Variants in CDK19 observed in about 807,000 individuals in gnomAD.
CDK19 encodes the protein cyclin-dependent kinase 19.
In CDK19, 20 loss-of-function variants were observed where a neutral mutation model predicts 68.3. That is an observed-to-expected ratio of 0.29 (90% CI 0.21 to 0.43). The LOEUF is 0.43. Ranked by LOEUF, CDK19 falls within the 20% of genes least tolerant of loss-of-function variation. The probability of loss-of-function intolerance (pLI) is 1.00; values close to 1 mark genes in which losing one functional copy is unlikely to be tolerated. For synonymous variants in CDK19, 221 were observed against 222.8 expected (o/e 0.99, Z 0.07); for missense variants, 339 against 623.5 (o/e 0.54, Z 4.86).
chr6:110,626,627 TG>T (rs779802038), intron 8 of CDK19, 148 bp downstream of exon 8: 13 of 518,224 alleles, frequency 2.5e-5, no homozygotes, highest in Non-Finnish European at 4.0e-5. Context: ...GCAACCTTCA[TG>T]GGATTACAAA....
intron 4 of CDK19, among the ~76,000 whole-genome samples, chr6:110,663,261 G>C (rs1781724684): frequency 6.6e-6 from 1 of 152,112 alleles, no homozygotes; most frequent in Middle Eastern, 3.2e-3. Context: ...AACAAAACTA[G>C]TCACTGACTA....
intron 2 of CDK19, among the ~76,000 whole-genome samples, chr6:110,691,328 G>A (rs909154007): frequency 2.0e-5 from 3 of 152,014 alleles, no homozygotes; most frequent in Admixed American, 6.6e-5. Context: ...CAAAAAATTA[G>A]CCGGGTGTGG....
At chr6:110,714,809 C>G (rs992141874) in intron 2 of CDK19, among the ~76,000 whole-genome samples, 2 of 149,920 alleles carry the variant, frequency 1.3e-5, no homozygotes, top group Admixed American at 6.7e-5. Flanking sequence ...CCTCGGCTCA[C>G]TGCAACCTCT....
At chr6:110,733,206 T>A (rs959478215) in intron 2 of CDK19, among the ~76,000 whole-genome samples, 1 of 152,220 alleles carries the variant, frequency 6.6e-6, no homozygotes, top group African/African-American at 2.4e-5. Context: ...CATACCCATA[T>A]GTGTTATTTT....
chr6:110,636,962 G>A (rs1398777732), intron 5 of CDK19, among the ~76,000 whole-genome samples: 2 of 152,228 alleles, frequency 1.3e-5, no homozygotes, highest in Non-Finnish European at 2.9e-5. Flanking sequence ...GGGCAGGGCT[G>A]TACAGCCAAA....
intron 1 of CDK19, among the ~76,000 whole-genome samples, chr6:110,801,575 C>T (rs1254341940): frequency 6.6e-5 from 10 of 152,014 alleles, no homozygotes; most frequent in Non-Finnish European, 1.3e-4. Context: ...GCAGTGGCGT[C>T]ATCTCGGCTT....
chr6:110,804,887 C>T (rs954580189), intron 1 of CDK19, among the ~76,000 whole-genome samples: 19 of 151,444 alleles, frequency 1.3e-4, no homozygotes, highest in Admixed American at 3.9e-4. Flanking sequence ...ACCCAGGAGG[C>T]GGAGCTTGCA....
intron 2 of CDK19, among the ~76,000 whole-genome samples, chr6:110,680,695 T>G (rs553354693): frequency 1.3e-5 from 2 of 152,322 alleles, no homozygotes; most frequent in South Asian, 4.1e-4. Flanking sequence ...AACGTTGTGA[T>G]ATAATGTAAA....
At chr6:110,800,322 A>G (rs1042953290) in intron 1 of CDK19, among the ~76,000 whole-genome samples, 3 of 152,134 alleles carry the variant, frequency 2.0e-5, no homozygotes, top group African/African-American at 7.2e-5. Context: ...AAAGCCTACC[A>G]ACCAAAAATA....
rs569268243 is a variant in CDK19 at position 110,635,749 on chromosome 6, A to AG, written c.514+2899dup. Among the ~76,000 whole-genome samples the AG allele has an allele frequency of 1.2e-4, 19 of 152,272 alleles. No individual in the cohort carries two copies. The South Asian group carries it at 3.1e-3, about 25-fold the overall frequency. On this transcript the variant is annotated intron_variant, in intron 5 of 12. Transcript: ENST00000368911. ...GAGACGGGGTTTCACCATGTTGGCC[A>AG]GATGGTCTCGATCTCTTGACCTCAT...
At chr6:110,799,915 A>G (rs1351704695) in intron 1 of CDK19, among the ~76,000 whole-genome samples, 1 of 152,192 alleles carries the variant, frequency 6.6e-6, no homozygotes, top group Non-Finnish European at 1.5e-5. Context: ...GAATATTTTC[A>G]ACACACAGTT....
At chr6:110,780,167 G>C (rs1206103212) in intron 1 of CDK19, among the ~76,000 whole-genome samples, 1 of 151,330 alleles carries the variant, frequency 6.6e-6, no homozygotes, top group Non-Finnish European at 1.5e-5. Flanking sequence ...GCAGTGAACA[G>C]AGATGGCGCC....
chr6:110,700,343 C>G (rs1298221512), intron 2 of CDK19, among the ~76,000 whole-genome samples: 1 of 152,180 alleles, frequency 6.6e-6, no homozygotes, highest in East Asian at 1.9e-4. Context: ...AAGCATCCCC[C>G]GAACCCCGGT....
chr6:110,641,642 AAAGAAAGGAAGGAAGG>A (rs1780184800), intron 4 of CDK19, among the ~76,000 whole-genome samples: 1 of 93,550 alleles, frequency 1.1e-5, no homozygotes, highest in African/African-American at 4.8e-5. Flanking sequence ...GAGGAAAGGG[AAAGAAAGGAAGGAAGG>A]AAGGAAGGAA....
intron 2 of CDK19, among the ~76,000 whole-genome samples, chr6:110,730,769 C>T (rs185680382): frequency 6.6e-5 from 10 of 152,190 alleles, no homozygotes; most frequent in East Asian, 3.9e-4. Flanking sequence ...TTTAGAGTAT[C>T]GGCTGGGCAC....
intron 2 of CDK19, among the ~76,000 whole-genome samples, chr6:110,744,483 G>A (rs1187580558): frequency 6.6e-6 from 1 of 151,994 alleles, no homozygotes; most frequent in Non-Finnish European, 1.5e-5. Flanking sequence ...AGTGAGATAT[G>A]ATTAAGCCAC....
intron 1 of CDK19, among the ~76,000 whole-genome samples, chr6:110,755,719 T>G (rs775858561): frequency 6.6e-6 from 1 of 152,198 alleles, no homozygotes; most frequent in East Asian, 1.9e-4. Flanking sequence ...TAGTTTTGTA[T>G]GGTATGCTGA....
At chr6:110,729,417 T>A (rs999788930) in intron 2 of CDK19, among the ~76,000 whole-genome samples, 1 of 148,960 alleles carries the variant, frequency 6.7e-6, no homozygotes, top group Non-Finnish European at 1.5e-5. Context: ...GTTTATTTTA[T>A]GTTATTTTGT....
intron 2 of CDK19, among the ~76,000 whole-genome samples, chr6:110,708,612 G>T (rs1034029011): frequency 1.3e-5 from 2 of 152,118 alleles, no homozygotes; most frequent in African/African-American, 2.4e-5. Flanking sequence ...GCTAACAATG[G>T]GCAGGCTGAT....
Sources: gnomAD v4.1 joint callset for allele counts (sites outside exome capture counted in the v4.1 genomes callset) on GRCh38, gnomAD v4.1.1 for gene constraint, MANE v1.5 for transcripts, NCBI Gene and HGNC (gene_info 2026-07-23, HGNC 2026-07-21) for gene names.